Variants in SYNJ2 observed in about 807,000 individuals in gnomAD.
SYNJ2 encodes the protein synaptojanin 2.
Under a neutral mutation model 141.3 loss-of-function variants are expected in SYNJ2, and 116 were observed. That is an observed-to-expected ratio of 0.82 (90% CI 0.71 to 0.96). The LOEUF (loss-of-function observed/expected upper bound fraction) is 0.96, where lower values mean the gene tolerates loss of function less well. Ranked by LOEUF, SYNJ2 falls within the 40% of genes least tolerant of loss-of-function variation. The pLI, the probability that SYNJ2 is intolerant of heterozygous loss-of-function variation, is 0.00. For synonymous variants in SYNJ2, 745 were observed against 777.7 expected, an observed-to-expected ratio of 0.96 and a Z score of 0.70; for missense variants, 1,873 against 1,934.8, an observed-to-expected ratio of 0.97 and a Z score of 0.60.
chr6:158,010,350 CG>C (rs1314006294), intron 1 of SYNJ2, among the ~76,000 whole-genome samples: 4 of 152,120 alleles, frequency 2.6e-5, no homozygotes, highest in Non-Finnish European at 4.4e-5. Flanking sequence ...AAGTAGGGTG[CG>C]GGGTGACTCT....
chr6:158,043,067 G>A lies in SYNJ2; in HGVS notation c.712-249G>A, dbSNP rs559480919. Among the ~76,000 whole-genome samples, 401 of 152,272 alleles carry A rather than the reference G, an allele frequency of 2.6e-3. 1 individual carries two copies. The highest frequency in any genetic ancestry group is 4.8e-3 in the South Asian group (23 of 4,812). ...TGCCCTAGAAGTGTGAATTCCCGGAGACCCTGGGAGGCCCCAACCCCCAGC... is the reference window on the plus strand; with the variant it reads ...TGCCCTAGAAGTGTGAATTCCCGGAAACCCTGGGAGGCCCCAACCCCCAGC... On this transcript the variant is annotated intron_variant, in intron 4 of 26. Coordinates refer to ENST00000355585, the MANE Select transcript of SYNJ2 (RefSeq NM_003898.4). This position sits in a 1 kb window ranked among gnomAD's most constrained non-coding sequence, Gnocchi z 4.0.
intron 5 of SYNJ2, among the ~76,000 whole-genome samples, chr6:158,048,693 T>C (rs1780388124): frequency 6.6e-6 from 1 of 152,180 alleles, no homozygotes; most frequent in South Asian, 2.1e-4. Flanking sequence ...CTCGGTGCTG[T>C]GCTGGCAAGC....
chr6:158,021,175 A>G (rs903062467), intron 2 of SYNJ2, among the ~76,000 whole-genome samples: 2 of 152,064 alleles, frequency 1.3e-5, no homozygotes, highest in African/African-American at 4.8e-5. Context: ...AAGGGACTCT[A>G]CTCCTATCCC....
chr6:158,004,074 T>TTTTC (rs1191174294), intron 1 of SYNJ2, among the ~76,000 whole-genome samples: 2 of 152,178 alleles, frequency 1.3e-5, no homozygotes, highest in Non-Finnish European at 2.9e-5. Flanking sequence ...GAAACAGGAC[T>TTTTC]AGAAAGTCAA....
In SYNJ2 at chr6:158,033,587, C is replaced by T; in HGVS notation, c.618C>T (p.Val206=). 5 of 1,614,066 alleles carry T rather than the reference C, an allele frequency of 3.1e-6. No individual in the cohort carries two copies. Among genetic ancestry groups the T allele is most frequent in the Non-Finnish European group, 4.2e-6 (5 of 1,180,048 alleles). ...ACAAGCAGGCCAAGGCCTGCCTCGT[C>T]TCTCGCGTTAGCTGTGAGCGCACAG... ...ASHKQAKACL[V]SRVSCERTGT... The change falls in exon 4 of 27, where the codon GTC becomes GTT. Residue 206 remains valine, a synonymous_variant. Transcript: ENST00000355585.
intron 13 of SYNJ2, 146 bp from the exon 14 acceptor site, chr6:158,069,387 A>T: frequency 9.6e-7 from 1 of 1,044,820 alleles, no homozygotes; most frequent in Non-Finnish European, 1.3e-6. Flanking sequence ...CAGTAGAAGA[A>T]GGAAAGCATG....
At chr6:158,005,810 C>A (rs1449309493) in intron 1 of SYNJ2, among the ~76,000 whole-genome samples, 1 of 152,128 alleles carries the variant, frequency 6.6e-6, no homozygotes, top group African/African-American at 2.4e-5. Context: ...TCTCATTCCA[C>A]CCCAAAATTT....
intron 5 of SYNJ2, among the ~76,000 whole-genome samples, chr6:158,045,800 G>C (rs575728912): frequency 1.3e-5 from 2 of 152,120 alleles, no homozygotes; most frequent in East Asian, 3.9e-4. Flanking sequence ...AGCCTGACCC[G>C]CCATGGGATG....
chr6:158,077,650 TAAAAAAAAAAAAAA>T (rs56028079), intron 17 of SYNJ2: 28,510 of 128,668 alleles, frequency 0.22, 3,135 homozygotes, highest in East Asian at 0.31. Flanking sequence ...AACTAGTACA[TAAAAAAAAAAAAAA>T]AAAAAAAAAA....
At chr6:158,083,384 G>T (rs751071096) in intron 20 of SYNJ2, 45 bp from the exon 21 acceptor site, 7 of 1,600,614 alleles carry the variant, frequency 4.4e-6, no homozygotes, top group Non-Finnish European at 6.0e-6. Context: ...AACAGGAGGG[G>T]TCATGATTTT....
intron 7 of SYNJ2, among the ~76,000 whole-genome samples, chr6:158,061,514 G>A (rs1009207749): frequency 1.3e-5 from 2 of 152,172 alleles, no homozygotes; most frequent in Non-Finnish European, 2.9e-5. Flanking sequence ...TGGAGACTTG[G>A]TCTCTTCAGA....
At chr6:158,092,879 G>C (rs1403789334) in intron 25 of SYNJ2, 47 bp from the exon 26 acceptor site, 24 of 1,517,850 alleles carry the variant, frequency 1.6e-5, no homozygotes, top group Non-Finnish European at 1.9e-5. Flanking sequence ...ATCATGCAGT[G>C]AATTGCCTTG....
chr6:158,074,088 A>G (rs1284884192), intron 15 of SYNJ2, among the ~76,000 whole-genome samples: 2 of 152,046 alleles, frequency 1.3e-5, no homozygotes, highest in East Asian at 1.9e-4. Context: ...GTGGGCTCCT[A>G]GGACTGGGCA....
chr6:158,039,953 T>C (rs1023362659), intron 4 of SYNJ2, among the ~76,000 whole-genome samples: 4 of 152,108 alleles, frequency 2.6e-5, no homozygotes, highest in African/African-American at 7.2e-5. Flanking sequence ...CAGGCGGCTG[T>C]GCGGTCATCG....
intron 1 of SYNJ2, among the ~76,000 whole-genome samples, chr6:158,000,882 C>A (rs1777824330): frequency 6.6e-6 from 1 of 152,170 alleles, no homozygotes; most frequent in African/African-American, 2.4e-5. Flanking sequence ...TGGGCCACAG[C>A]TCCTCTTCCC....
Position 158,043,150 on chromosome 6 carries a change from A to G in SYNJ2, c.712-166A>G, listed in dbSNP as rs1780041387. Among the ~76,000 whole-genome samples the G allele has an allele frequency of 6.6e-6, 1 of 152,132 alleles. No homozygotes were observed. Among genetic ancestry groups the G allele is most frequent in the African/African-American group, 2.4e-5 (1 of 41,426 alleles). ...GCATGCCCGCCCAGTACCTGGCGAG[A>G]GGTCAGGGCGCATTGCCGGATGGGG... On this transcript the variant is annotated intron_variant, in intron 4 of 26. Transcript: ENST00000355585. This position sits in a 1 kb window ranked among gnomAD's most constrained non-coding sequence, Gnocchi z 4.0.
At chr6:158,034,662 A>G (rs1361635034) in intron 4 of SYNJ2, among the ~76,000 whole-genome samples, 1 of 152,204 alleles carries the variant, frequency 6.6e-6, no homozygotes, top group Non-Finnish European at 1.5e-5. Context: ...TTCTGCTCAG[A>G]ATGTCTGCAC....
chr6:157,995,191 G>A (rs1050773582), intron 1 of SYNJ2, among the ~76,000 whole-genome samples: 4 of 152,186 alleles, frequency 2.6e-5, no homozygotes, highest in African/African-American at 9.7e-5. Context: ...CGTATGAATA[G>A]CCCCAGACTT....
At chr6:158,059,541 A>G in intron 7 of SYNJ2, 188 bp downstream of exon 7, 1 of 1,344,148 alleles carries the variant, frequency 7.4e-7, no homozygotes, top group African/African-American at 1.5e-5. Context: ...TGATACAGTG[A>G]GTGTAATTTC....
Sources: gnomAD v4.1 joint callset for allele counts (sites outside exome capture counted in the v4.1 genomes callset) on GRCh38, gnomAD v4.1.1 for gene constraint, Gnocchi (gnomAD v3.1) non-coding constraint, MANE v1.5 for transcripts, NCBI Gene and HGNC (gene_info 2026-07-23, HGNC 2026-07-21) for gene names.